The following RHPN1 variants were observed in gnomAD, a reference collection of about 807,000 sequenced individuals.
The protein encoded by RHPN1 is rhophilin-1.
Under a neutral mutation model 74.7 loss-of-function variants are expected in RHPN1, and 77 were observed. The ratio of observed to expected loss-of-function variants is 1.03; its 90% CI spans 0.86 to 1.25. The LOEUF (loss-of-function observed/expected upper bound fraction) is 1.25, where lower values mean the gene tolerates loss of function less well. RHPN1 is among the 50% of genes most tolerant of loss of function. The probability of loss-of-function intolerance (pLI) is 0.00; values close to 1 mark genes in which losing one functional copy is unlikely to be tolerated. For missense variants in RHPN1, 987 were observed against 932.2 expected (o/e 1.06, Z -0.77); for synonymous variants, 444 against 414.5 (o/e 1.07, Z -0.87).
Position 143,377,422 on chromosome 8 carries a change from G to A in RHPN1, c.348G>A (p.Glu116=). The A allele has an allele frequency of 1.2e-6, 2 of 1,613,562 alleles. No homozygotes were observed. The highest frequency in any genetic ancestry group is 1.7e-6 in the Non-Finnish European group (2 of 1,179,626). The change falls in exon 4 of 15, where the codon GAG becomes GAA. Residue 116 remains glutamate (E), a synonymous_variant. Coordinates refer to ENST00000289013, the MANE Select transcript of RHPN1 (RefSeq NM_052924.3). ...TVPMIPLGLK[E]TKELDWSTPL... The stretch of plus-strand genomic sequence containing the variant: ...CCATGATCCCCCTGGGCCTGAAGGA[G>A]ACCAAGGAGCTGGACTGGTCTACAC...
upstream of RHPN1, among the ~76,000 whole-genome samples, chr8:143,365,961 C>T (rs369828216): frequency 7.4e-5 from 11 of 149,248 alleles, no homozygotes; most frequent in African/African-American, 2.7e-4. Context: ...GTGATCACAC[C>T]ACTGCACTCC....
upstream of RHPN1, among the ~76,000 whole-genome samples, chr8:143,365,071 G>A (rs1388630404): frequency 6.6e-6 from 1 of 151,988 alleles, no homozygotes; most frequent in East Asian, 1.9e-4. Context: ...CTTAACAGGC[G>A]CAACAGTGGC....
At chr8:143,374,131 C>G (rs748195916) in intron 1 of RHPN1, 10 of 985,290 alleles carry the variant, frequency 1.0e-5, no homozygotes, top group Non-Finnish European at 1.2e-5. Context: ...AGAACTCTCT[C>G]CAGATATCTA....
At chr8:143,381,776 T>TCC (rs1003170129) in intron 13 of RHPN1, 31 bp from the exon 14 acceptor site, 2 of 1,607,072 alleles carry the variant, frequency 1.2e-6, no homozygotes, top group African/African-American at 2.7e-5. Context: ...GGGTGTCCTG[T>TCC]CCCCACCTCA....
At chr8:143,365,732 T>C (rs1817549564), upstream of RHPN1, among the ~76,000 whole-genome samples, 1 of 152,226 alleles carries the variant, frequency 6.6e-6, no homozygotes, top group African/African-American at 2.4e-5. Context: ...GCACAGCGGC[T>C]CACACCTGTA....
At position 143,380,071 on chromosome 8, in the gene RHPN1, A is replaced by C. The variant is rs951454416; in HGVS notation, c.1112A>C (p.Glu371Ala). 1.3e-6 allele frequency: 2 copies of C among 1,548,950 alleles called. No homozygotes were observed. The change falls in exon 10 of 15, where the codon GAG becomes GCG. Residue 371 changes from glutamate to alanine, a missense_variant. Transcript: ENST00000289013. ...MALCDGSPATEGELPTHEQVF... is the reference protein window; with the variant it reads ...MALCDGSPATAGELPTHEQVF... ...CCTCTCTGTCCCCCAGCAGCGACCGAGGGAGAGCTCCCCACGCACGAGCAG... is the reference window on the plus strand; with the variant it reads ...CCTCTCTGTCCCCCAGCAGCGACCGCGGGAGAGCTCCCCACGCACGAGCAG...
rs1818456596 is a variant in RHPN1, at chr8:143,378,621, C to T, written c.460-75C>T. On this transcript the variant is annotated intron_variant, in intron 5 of 14. Transcript: ENST00000289013. Reference sequence around the variant, plus strand: ...CCCCGCCCCCCATGGTGCTGGTGCCCATGGGACTTCCCAGGGCAGTGTGTG... The same window carrying T: ...CCCCGCCCCCCATGGTGCTGGTGCCTATGGGACTTCCCAGGGCAGTGTGTG... The T allele has an allele frequency of 3.9e-6, 6 of 1,524,594 alleles. No individual in the cohort carries two copies. The South Asian group carries it at 7.3e-5, about 18-fold the overall frequency. The allele number at this position is 1,524,594 out of a possible 1,614,324, so 94.4% of individuals were successfully genotyped here. A position where few individuals can be genotyped will look rare whatever the true frequency, so the allele number is the denominator to read the frequency against.
chr8:143,369,575 G>C (rs1817690593), intron 1 of RHPN1, among the ~76,000 whole-genome samples: 2 of 152,228 alleles, frequency 1.3e-5, no homozygotes, highest in South Asian at 4.1e-4. Flanking sequence ...CCTAACCCGG[G>C]GTGCTGACTG....
Position 143,378,923 on chromosome 8 carries a change from T to C in RHPN1, c.596T>C (p.Leu199Pro), listed in dbSNP as rs1267843022. Residue 199 changes from leucine (L) to proline (P), a missense_variant, in exon 7 of 15, where the codon CTT becomes CCT. Coordinates refer to ENST00000289013, the MANE Select transcript of RHPN1 (RefSeq NM_052924.3). The stretch of plus-strand genomic sequence containing the variant: ...ACCCAACACTGCAGGTACGACTCGC[T>C]TACTGGGGTCCCGGCCCAGCAGCGT... ...LGLFFHWYDS[L>P]TGVPAQQRAL... 6 of 1,584,660 alleles carry C rather than the reference T, an allele frequency of 3.8e-6. No homozygotes were observed. Among genetic ancestry groups the C allele is most frequent in the Non-Finnish European group, 5.1e-6 (6 of 1,166,282 alleles).
rs1818876959 is a variant in RHPN1, at chr8:143,383,531, G to A, written c.*880G>A. The A allele has an allele frequency of 6.6e-6, 1 of 152,530 alleles. No homozygotes were observed. Among genetic ancestry groups the A allele is most frequent in the South Asian group, 2.1e-4 (1 of 4,834 alleles). The allele number at this position is 152,530 out of a possible 1,614,324, so 9.4% of individuals were successfully genotyped here. ...CCTCCAGGCCTCCGTGTACTGGGTG[G>A]ACAATGGCCCCCAAAGGCCGTCGGC... On this transcript the variant is annotated 3_prime_UTR_variant, in exon 15 of 15. Coordinates refer to ENST00000289013, the MANE Select transcript of RHPN1 (RefSeq NM_052924.3).
At chr8:143,374,201 G>A (rs2130559065) in intron 1 of RHPN1, 2 of 985,478 alleles carry the variant, frequency 2.0e-6, no homozygotes, top group Admixed American at 6.1e-5. Flanking sequence ...AGGCCTGAGA[G>A]ACGTGTGTGC....
intron 14 of RHPN1, 102 bp downstream of exon 14, chr8:143,382,070 G>A: frequency 8.1e-7 from 1 of 1,227,220 alleles, no homozygotes; most frequent in Non-Finnish European, 1.1e-6. Context: ...AGGGGAGGTG[G>A]GGCTGCAGGT....
At chr8:143,365,751 A>G (rs1250341868), upstream of RHPN1, among the ~76,000 whole-genome samples, 1 of 152,354 alleles carries the variant, frequency 6.6e-6, no homozygotes, top group Middle Eastern at 3.4e-3. Context: ...TAATCCCAGC[A>G]CTTTGGGAGG....
At position 143,374,417 on chromosome 8, in the gene RHPN1, T is replaced by C. The variant is rs114263613; in HGVS notation, c.61-1136T>C. On this transcript the variant is annotated intron_variant, in intron 1 of 14. Coordinates refer to ENST00000289013, the MANE Select transcript of RHPN1 (RefSeq NM_052924.3). Reference sequence around the variant, plus strand: ...GGAGCCACCAGAGGCCTTGTCTTGCTGCTGACTGGCAGAAATGGCCAGGTT... The same window carrying C: ...GGAGCCACCAGAGGCCTTGTCTTGCCGCTGACTGGCAGAAATGGCCAGGTT... The C allele has an allele frequency of 9.8e-3, 7,306 of 743,970 alleles. 403 individuals are homozygous for C. The African/African-American group carries it at 0.13, about 13-fold the overall frequency. The allele number at this position is 743,970 out of a possible 1,614,324, so 46.1% of individuals were successfully genotyped here.
At chr8:143,381,406 C>T (rs1224372196) in intron 12 of RHPN1, 62 bp downstream of exon 12, 1 of 1,516,550 alleles carries the variant, frequency 6.6e-7, no homozygotes, top group Non-Finnish European at 8.9e-7. Flanking sequence ...TGGCTCTGAC[C>T]AGCACATGGC....
intron 2 of RHPN1, 113 bp from the exon 3 acceptor site, chr8:143,376,412 C>T (rs1818220426): frequency 1.4e-6 from 2 of 1,479,932 alleles, no homozygotes; most frequent in South Asian, 1.3e-5. Flanking sequence ...GCGACGTCCT[C>T]TGCAGGGTGG....
rs773348260 is a variant in RHPN1, at chr8:143,382,450, C to T, written c.1812C>T (p.Pro604=). 36 of 1,573,112 alleles carry T rather than the reference C, an allele frequency of 2.3e-5. No individual in the cohort carries two copies. In the South Asian group the frequency reaches 2.3e-4, roughly 10 times the overall value. ...CCCTGCTGCAGGGGGACCGCCGGCC[C>T]GTCCTGCTGGGCCCCAGGGGGCTTC... ...SRLPSLGDRR[P]VLLGPRGLLR... Residue 604 remains proline (P), a synonymous_variant, in exon 15 of 15, where the codon CCC becomes CCT. Transcript: ENST00000289013.
chr8:143,377,063 C>CGT (rs775390549), intron 3 of RHPN1, among the ~76,000 whole-genome samples: 61,986 of 149,748 alleles, frequency 0.41, 13,250 homozygotes, highest in South Asian at 0.6. Flanking sequence ...TGTGTGTGCG[C>CGT]GTGTGTGTGT....
At chr8:143,375,707 C>T (rs1312691444) in intron 2 of RHPN1, 39 bp downstream of exon 2, 1 of 1,494,518 alleles carries the variant, frequency 6.7e-7, no homozygotes, top group Non-Finnish European at 9.2e-7. Context: ...GAGCAGGGCC[C>T]ACCTGGGTGA....
Sources: gnomAD v4.1 joint callset for allele counts (sites outside exome capture counted in the v4.1 genomes callset) on GRCh38, gnomAD v4.1.1 for gene constraint, MANE v1.5 for transcripts, NCBI Gene and HGNC (gene_info 2026-07-23, HGNC 2026-07-21) for gene names.